Variants in JMJD1C observed in about 807,000 individuals in gnomAD.
JMJD1C encodes the protein jumonji domain-containing protein 1C.
In JMJD1C, 31 loss-of-function variants were observed where a neutral mutation model predicts 245.3. The observed-to-expected ratio is 0.13, with a 90% confidence interval of 0.09 to 0.17. The LOEUF (loss-of-function observed/expected upper bound fraction) is 0.17. JMJD1C is among the 10% of genes least tolerant of loss of function. JMJD1C has a pLI of 1.00. For missense variants in JMJD1C, 2,691 were observed against 3,000.2 expected (o/e 0.90, Z 2.41); for synonymous variants, 1,057 against 1,017.4 (o/e 1.04, Z -0.74).
intron 1 of JMJD1C, among the ~76,000 whole-genome samples, chr10:63,381,350 G>A (rs1316195621): frequency 6.6e-6 from 1 of 151,964 alleles, no homozygotes. Flanking sequence ...TCACAAAAGA[G>A]AAAAGTAAAA....
At chr10:63,243,124 T>TATAA (rs1491362612) in intron 3 of JMJD1C, among the ~76,000 whole-genome samples, 10 of 85,792 alleles carry the variant, frequency 1.2e-4, no homozygotes, top group South Asian at 3.8e-4. Context: ...TATATATATA[T>TATAA]AAATATATAT....
chr10:63,434,438 G>C (rs965375946), intron 1 of JMJD1C, among the ~76,000 whole-genome samples: 1 of 152,124 alleles, frequency 6.6e-6, no homozygotes, highest in Non-Finnish European at 1.5e-5. Flanking sequence ...GGATTCAGGA[G>C]CCTTTGTAAG....
intron 1 of JMJD1C, among the ~76,000 whole-genome samples, chr10:63,460,441 T>C (rs1952707867): frequency 6.6e-6 from 1 of 151,880 alleles, no homozygotes; most frequent in African/African-American, 2.4e-5. Context: ...ATTGCCTGAG[T>C]TGAGGAGTTC....
At chr10:63,466,860 C>G (rs758713059), upstream of JMJD1C, among the ~76,000 whole-genome samples, 2 of 152,202 alleles carry the variant, frequency 1.3e-5, no homozygotes, top group Non-Finnish European at 2.9e-5. Flanking sequence ...GGAACAATCA[C>G]TCTTCTTTGA....
intron 1 of JMJD1C, among the ~76,000 whole-genome samples, chr10:63,500,738 TGGATGGAA>T (rs1475382699): frequency 8.3e-5 from 8 of 96,332 alleles, no homozygotes; most frequent in East Asian, 2.9e-4. Flanking sequence ...GATGGATGGA[TGGATGGAA>T]GGATGGATGG....
chr10:63,465,434 T>C, intron 1 of JMJD1C, 61 bp downstream of exon 1: 4 of 1,475,032 alleles, frequency 2.7e-6, no homozygotes, highest in South Asian at 1.3e-5. Flanking sequence ...GCCTGCAAGG[T>C]ACGTCTGCGA....
At chr10:63,517,635 TAAAGA>T (rs1014751851) in intron 1 of JMJD1C, among the ~76,000 whole-genome samples, 1 of 152,152 alleles carries the variant, frequency 6.6e-6, no homozygotes, top group African/African-American at 2.4e-5. Flanking sequence ...GTTCAGTACT[TAAAGA>T]AATCATATCT....
intron 2 of JMJD1C, among the ~76,000 whole-genome samples, chr10:63,340,611 G>C (rs997818878): frequency 6.6e-6 from 1 of 152,178 alleles, no homozygotes; most frequent in African/African-American, 2.4e-5. Context: ...AAAACAGTAT[G>C]GTGCTGGCAT....
At position 63,189,250 on chromosome 10, in the gene JMJD1C, C is replaced by T; in HGVS notation, c.6488G>A (p.Cys2163Tyr). The stretch of plus-strand genomic sequence containing the variant: ...CTTAAGCCATAAAATATGCTTCTCA[C>T]AGATCCAAGAATGTGGTATATCACT... ...LYSDIPHSWI[C>Y]EKHILWLKDY... is the part of the protein sequence containing the mutation. Residue 2163 changes from cysteine (C) to tyrosine (Y), a missense_variant, in exon 18 of 26, where the codon TGT becomes TAT. Transcript: ENST00000399262. The T allele has an allele frequency of 1.2e-6, 2 of 1,613,162 alleles. No homozygotes were observed. The highest frequency in any genetic ancestry group is 1.7e-6 in the Non-Finnish European group (2 of 1,179,308).
At chr10:63,437,201 G>GT (rs1951105360) in intron 1 of JMJD1C, among the ~76,000 whole-genome samples, 1 of 152,152 alleles carries the variant, frequency 6.6e-6, no homozygotes. Flanking sequence ...ATTCATCAAA[G>GT]ATTAACGATG....
chr10:63,189,322 G>C lies in JMJD1C; in HGVS notation c.6416C>G (p.Pro2139Arg), dbSNP rs1235430122. ...CACTGCAGATATTATGCTTTCTTCA[G>C]GCTCTTCTTTAAGCTCTGGTTTTAC... is the stretch of plus-strand genomic sequence containing the variant. ...INVKPELKEE[P>R]EESIISAVDE... The change falls in exon 18 of 26, where the codon CCT becomes CGT. Residue 2139 changes from proline (P) to arginine (R), a missense_variant. By Grantham distance (103) the Pro-to-Arg change is moderately radical. This residue lies in a region of JMJD1C where 275 missense variants were observed against 285.5 expected (regional missense o/e 0.96). Coordinates refer to ENST00000399262, the MANE Select transcript of JMJD1C (RefSeq NM_032776.3). 6.2e-7 allele frequency: 1 copy of C among 1,613,692 alleles called. No homozygotes were observed. The highest frequency in any genetic ancestry group is 8.5e-7 in the Non-Finnish European group (1 of 1,179,850).
chr10:63,314,027 T>C (rs980168556), intron 2 of JMJD1C, among the ~76,000 whole-genome samples: 1 of 152,246 alleles, frequency 6.6e-6, no homozygotes. Flanking sequence ...TTTTCCAATG[T>C]TATCCTCTAG....
intron 1 of JMJD1C, among the ~76,000 whole-genome samples, chr10:63,436,740 G>C (rs940339879): frequency 1.3e-5 from 2 of 151,816 alleles, no homozygotes; most frequent in Admixed American, 1.3e-4. Context: ...ACTTACCATG[G>C]CATACTCTAG....
chr10:63,339,762 C>A (rs1943200046), intron 2 of JMJD1C, among the ~76,000 whole-genome samples: 1 of 152,224 alleles, frequency 6.6e-6, no homozygotes, highest in African/African-American at 2.4e-5. Flanking sequence ...CACGTCTCTA[C>A]TAAAAATACA....
intron 2 of JMJD1C, among the ~76,000 whole-genome samples, chr10:63,313,187 G>C (rs536513026): frequency 2.0e-5 from 3 of 152,168 alleles, no homozygotes; most frequent in Non-Finnish European, 4.4e-5. Context: ...TTATGAAAGA[G>C]AACATACGAT....
At chr10:63,368,478 AACTGAGTAAGGGCCC>A (rs1946035933) in intron 2 of JMJD1C, among the ~76,000 whole-genome samples, 1 of 152,188 alleles carries the variant, frequency 6.6e-6, no homozygotes, top group African/African-American at 2.4e-5. Context: ...ACTCAGAAAT[AACTGAGTAAGGGCCC>A]ACTGTAACTA....
At chr10:63,450,111 TCAAAAAA>T (rs909164751) in intron 1 of JMJD1C, among the ~76,000 whole-genome samples, 3 of 151,284 alleles carry the variant, frequency 2.0e-5, no homozygotes, top group Admixed American at 6.6e-5. Context: ...AGACCCTGTC[TCAAAAAA>T]CAAAAAACAA....
chr10:63,325,002 T>A (rs967453653), intron 2 of JMJD1C, among the ~76,000 whole-genome samples: 3 of 152,178 alleles, frequency 2.0e-5, no homozygotes, highest in South Asian at 2.1e-4. Context: ...TTTATTCTCA[T>A]AAAATGACAA....
chr10:63,445,545 T>C, intron 1 of JMJD1C, among the ~76,000 whole-genome samples: 1 of 152,186 alleles, frequency 6.6e-6, no homozygotes, highest in East Asian at 1.9e-4. Flanking sequence ...CGATGTGGAA[T>C]GACTGGAAAG....
Sources: gnomAD v4.1 joint callset for allele counts (sites outside exome capture counted in the v4.1 genomes callset) on GRCh38, gnomAD v4.1.1 for gene constraint, gnomAD v4.1.1 regional missense constraint, MANE v1.5 for transcripts, NCBI Gene and HGNC (gene_info 2026-07-23, HGNC 2026-07-21) for gene names.